Variants in RAB28 observed in about 807,000 individuals in gnomAD.
RAB28 encodes the protein RAB28, member RAS oncogene family.
Under a neutral mutation model 31.7 loss-of-function variants are expected in RAB28, and 24 were observed. That is an observed-to-expected ratio of 0.76 (90% CI 0.55 to 1.06). RAB28 has a LOEUF of 1.06. Among genes scored for constraint, RAB28 ranks in the 50% least tolerant of loss-of-function variants. The pLI is 0.00. For synonymous variants in RAB28, 100 were observed against 90.4 expected (o/e 1.11, Z -0.60); for missense variants, 254 against 258.5 (o/e 0.98, Z 0.12).
chr4:13,379,205 CAAAAAAAAAAAAAA>C (rs34341516), intron 5 of RAB28, among the ~76,000 whole-genome samples: 52 of 57,970 alleles, frequency 9.0e-4, no homozygotes, highest in Non-Finnish European at 1.6e-3. Flanking sequence ...AACTCTGTCT[CAAAAAAAAAAAAAA>C]AAAAAAAAAG....
intron 4 of RAB28, among the ~76,000 whole-genome samples, chr4:13,414,839 C>A (rs1290937305): frequency 6.6e-6 from 1 of 152,052 alleles, no homozygotes; most frequent in Non-Finnish European, 1.5e-5. Flanking sequence ...ATCATATATG[C>A]CTTCATTAAA....
intron 4 of RAB28, among the ~76,000 whole-genome samples, chr4:13,409,377 G>A (rs531831669): frequency 1.3e-5 from 2 of 152,082 alleles, no homozygotes; most frequent in South Asian, 2.1e-4. Context: ...ATAGCATAAC[G>A]TAAAAATATG....
intron 4 of RAB28, among the ~76,000 whole-genome samples, chr4:13,453,437 T>C (rs1715084402): frequency 6.6e-6 from 1 of 152,156 alleles, no homozygotes; most frequent in Non-Finnish European, 1.5e-5. Context: ...GTATTGGCTC[T>C]AGCAGCAAGT....
intron 2 of RAB28, among the ~76,000 whole-genome samples, chr4:13,476,708 T>C (rs766841810): frequency 2.0e-5 from 3 of 151,444 alleles, no homozygotes; most frequent in Non-Finnish European, 4.4e-5. Flanking sequence ...TATAAAGCTA[T>C]ATAAGAATAT....
At chr4:13,435,588 T>C (rs1338385238) in intron 4 of RAB28, among the ~76,000 whole-genome samples, 2 of 152,158 alleles carry the variant, frequency 1.3e-5, no homozygotes, top group Non-Finnish European at 2.9e-5. Context: ...CAAAGACTAC[T>C]GCAAACACGT....
At chr4:13,415,036 A>G (rs1156830150) in intron 4 of RAB28, among the ~76,000 whole-genome samples, 1 of 152,234 alleles carries the variant, frequency 6.6e-6, no homozygotes, top group African/African-American at 2.4e-5. Flanking sequence ...GTTATTCAAA[A>G]CTGTTCAAGA....
At chr4:13,434,911 C>A (rs1214880661) in intron 4 of RAB28, among the ~76,000 whole-genome samples, 1 of 149,686 alleles carries the variant, frequency 6.7e-6, no homozygotes, top group Admixed American at 6.7e-5. Context: ...CCCAGCTACT[C>A]AGGAGGCTGA....
rs1315152543 is a variant in RAB28, at chr4:13,368,081, C to T, written c.*477G>A. The T allele has an allele frequency of 9.2e-6, 9 of 978,596 alleles. No individual in the cohort carries two copies. The South Asian group carries it at 2.4e-4, about 26-fold the overall frequency. 60.6% of individuals were successfully genotyped at this position (978,596 alleles called of 1,614,324 possible). A position where few individuals can be genotyped will look rare whatever the true frequency, so the allele number is the denominator to read the frequency against. On this transcript the variant is annotated 3_prime_UTR_variant, in exon 7 of 7. Transcript: ENST00000330852. ...CTTTATATACTTTTACTCACGATAG[C>T]GAAAGAATGTCTTCATAAGTATCTG...
intron 5 of RAB28, among the ~76,000 whole-genome samples, chr4:13,379,565 G>GT (rs1428387462): frequency 7.2e-5 from 11 of 152,166 alleles, no homozygotes; most frequent in Non-Finnish European, 1.6e-4. Flanking sequence ...TTTTGCAAAG[G>GT]TGTTAGGATC....
intron 6 of RAB28, among the ~76,000 whole-genome samples, chr4:13,375,442 A>ATTATTCC (rs1728881026): frequency 6.6e-6 from 1 of 152,276 alleles, no homozygotes; most frequent in South Asian, 2.1e-4. Context: ...AGAGACAAAC[A>ATTATTCC]TTATTTAGAC....
chr4:13,474,103 G>A (rs1297133736), intron 3 of RAB28: 4 of 701,710 alleles, frequency 5.7e-6, no homozygotes, highest in Admixed American at 3.6e-5. Context: ...TACGAAAGCT[G>A]TTCAGAGTTT....
chr4:13,439,749 C>T (rs1714317140), intron 4 of RAB28, among the ~76,000 whole-genome samples: 1 of 152,070 alleles, frequency 6.6e-6, no homozygotes, highest in African/African-American at 2.4e-5. Flanking sequence ...TCTTTAGATT[C>T]AGAGAACACA....
At chr4:13,461,256 A>G (rs1715578084) in intron 3 of RAB28, among the ~76,000 whole-genome samples, 1 of 152,240 alleles carries the variant, frequency 6.6e-6, no homozygotes, top group Non-Finnish European at 1.5e-5. Context: ...ATTTTCAAAA[A>G]CAGAGATTCC....
At chr4:13,419,235 C>T (rs1038922644) in intron 4 of RAB28, among the ~76,000 whole-genome samples, 2 of 152,106 alleles carry the variant, frequency 1.3e-5, no homozygotes, top group African/African-American at 4.8e-5. Context: ...TACAGGAGCA[C>T]CCAGATTCAT....
chr4:13,405,388 G>A (rs1712018314), intron 4 of RAB28, among the ~76,000 whole-genome samples: 1 of 152,122 alleles, frequency 6.6e-6, no homozygotes, highest in African/African-American at 2.4e-5. Flanking sequence ...AAAGCTGTCA[G>A]CCTATAAGAA....
intron 4 of RAB28, among the ~76,000 whole-genome samples, chr4:13,424,620 C>T (rs751490063): frequency 6.6e-6 from 1 of 152,262 alleles, no homozygotes; most frequent in African/African-American, 2.4e-5. Context: ...AAAAACTAGG[C>T]TTCCTATTTC....
intron 4 of RAB28, among the ~76,000 whole-genome samples, chr4:13,446,904 T>A (rs1371368738): frequency 2.0e-5 from 3 of 152,130 alleles, no homozygotes; most frequent in African/African-American, 7.2e-5. Context: ...CACCTCACAC[T>A]TAACATATCT....
intron 4 of RAB28, among the ~76,000 whole-genome samples, chr4:13,434,787 G>T (rs1217490644): frequency 6.6e-6 from 1 of 152,124 alleles, no homozygotes; most frequent in Admixed American, 6.5e-5. Context: ...GCGAGGCCAA[G>T]CTGGGCAGAT....
rs1332736035 is a variant in RAB28, at chr4:13,453,959, A to G, written c.391+6740T>C. ...CTTTTCCTTCTGGAACTTCCATAAT[A>G]TAAGTATTTGTTCACTTAATAATCC... On this transcript the variant is annotated intron_variant, in intron 4 of 6. Transcript: ENST00000330852. 2.0e-5 allele frequency among the ~76,000 whole-genome samples: 3 copies of G among 152,150 alleles called. No individual in the cohort carries two copies. The East Asian group carries it at 5.8e-4, about 29-fold the overall frequency.
Sources: gnomAD v4.1 joint callset for allele counts (sites outside exome capture counted in the v4.1 genomes callset) on GRCh38, gnomAD v4.1.1 for gene constraint, MANE v1.5 for transcripts, NCBI Gene and HGNC (gene_info 2026-07-23, HGNC 2026-07-21) for gene names.